Variants in DIAPH2 observed in about 807,000 individuals in gnomAD.
The protein encoded by DIAPH2 is diaphanous related formin 2, also known as protein diaphanous homolog 2.
Under a neutral mutation model 92.7 loss-of-function variants are expected in DIAPH2, and 35 were observed. The observed-to-expected ratio is 0.38, with a 90% CI of 0.29 to 0.50. The LOEUF is 0.50. Ranked by LOEUF, DIAPH2 falls within the 20% of genes least tolerant of loss-of-function variation. DIAPH2 has a pLI of 0.94. For missense variants in DIAPH2, 701 were observed against 819.5 expected, an observed-to-expected ratio of 0.86 and a Z score of 1.77; for synonymous variants, 301 against 280.4, an observed-to-expected ratio of 1.07 and a Z score of -0.73.
At chrX:97,168,998 C>T (rs1414308078) in intron 22 of DIAPH2, among the ~76,000 whole-genome samples, 1 of 112,158 alleles carries the variant, frequency 8.9e-6, no homozygotes, top group Non-Finnish European at 1.9e-5. Context: ...TTCCCAAAGG[C>T]CCTATCCCCA....
intron 4 of DIAPH2, among the ~76,000 whole-genome samples, chrX:96,793,792 A>G (rs1275783324): frequency 8.9e-6 from 1 of 111,736 alleles, no homozygotes; most frequent in African/African-American, 3.3e-5. Flanking sequence ...TGCGGGGGAC[A>G]TAAACATAGT....
chrX:97,185,294 CA>C (rs1306919184), intron 22 of DIAPH2, among the ~76,000 whole-genome samples: 42 of 13,806 alleles, frequency 3.0e-3, no homozygotes, highest in African/African-American at 0.012. Context: ...GACCCTGTCT[CA>C]AAAAAAAAAA....
chrX:96,767,595 T>TA (rs2064312096), intron 4 of DIAPH2, among the ~76,000 whole-genome samples: 1 of 111,962 alleles, frequency 8.9e-6, no homozygotes, highest in Non-Finnish European at 1.9e-5. Context: ...ACATAAAACA[T>TA]AAAGACTACA....
intron 4 of DIAPH2, chrX:96,793,471 C>G: frequency 7.1e-6 from 2 of 280,244 alleles, no homozygotes; most frequent in Non-Finnish European, 1.4e-5. Flanking sequence ...GCCCGGCCCC[C>G]TTCCACTTTT....
At chrX:97,246,157 G>A (rs12842570) in intron 22 of DIAPH2, among the ~76,000 whole-genome samples, 44,832 of 104,833 alleles carry the variant, frequency 0.43, 8,878 homozygotes, top group Non-Finnish European at 0.59. Context: ...CAGGTAATCC[G>A]CCCACCTCAG....
intron 4 of DIAPH2, among the ~76,000 whole-genome samples, chrX:96,789,952 G>A (rs1015300831): frequency 9.0e-6 from 1 of 111,470 alleles, no homozygotes; most frequent in Non-Finnish European, 1.9e-5. Context: ...GGTATTCATA[G>A]TGCAGGACCT....
At chrX:97,082,806 C>CT (rs1219361841) in intron 19 of DIAPH2, among the ~76,000 whole-genome samples, 3 of 111,693 alleles carry the variant, frequency 2.7e-5, no homozygotes, top group African/African-American at 9.8e-5. Flanking sequence ...GCATTAGACA[C>CT]TTAGCCTAAG....
chrX:97,125,225 AGC>A (rs931240619), intron 21 of DIAPH2, among the ~76,000 whole-genome samples: 2 of 111,170 alleles, frequency 1.8e-5, no homozygotes, highest in Non-Finnish European at 3.8e-5. Context: ...CTGTAATCCC[AGC>A]ACTTTGGGAG....
intron 10 of DIAPH2, among the ~76,000 whole-genome samples, chrX:96,931,191 T>C (rs1463655247): frequency 9.0e-6 from 1 of 111,554 alleles, no homozygotes; most frequent in Non-Finnish European, 1.9e-5. Flanking sequence ...TTTGATAACC[T>C]AGATTGATTT....
At chrX:97,170,943 C>G (rs1482733121) in intron 22 of DIAPH2, among the ~76,000 whole-genome samples, 1 of 110,183 alleles carries the variant, frequency 9.1e-6, no homozygotes, top group Non-Finnish European at 1.9e-5. Context: ...GTGGTGCGAT[C>G]TTAGCTCACT....
intron 22 of DIAPH2, among the ~76,000 whole-genome samples, chrX:97,197,704 G>C (rs1232673332): frequency 8.9e-6 from 1 of 111,734 alleles, no homozygotes; most frequent in Non-Finnish European, 1.9e-5. Context: ...GGGCATGGTA[G>C]GGTGATATTT....
At chrX:96,969,097 T>C (rs1382626067) in intron 17 of DIAPH2, among the ~76,000 whole-genome samples, 1 of 112,369 alleles carries the variant, frequency 8.9e-6, no homozygotes, top group Non-Finnish European at 1.9e-5. Context: ...TCTATTTTTG[T>C]ACCAGTACCA....
At chrX:96,705,746 A>C (rs907472029) in intron 1 of DIAPH2, among the ~76,000 whole-genome samples, 4 of 112,077 alleles carry the variant, frequency 3.6e-5, no homozygotes, top group African/African-American at 9.7e-5. Flanking sequence ...AATCCTGTAG[A>C]TTCCCTTTCT....
At chrX:97,438,373 T>G (rs1429164543) in intron 26 of DIAPH2, among the ~76,000 whole-genome samples, 2 of 84,141 alleles carry the variant, frequency 2.4e-5, no homozygotes, top group African/African-American at 8.8e-5. Context: ...TTTTTTTTTT[T>G]TTTTTTTTTT....
chrX:97,378,797 T>C (rs914375485), intron 24 of DIAPH2, among the ~76,000 whole-genome samples: 2 of 111,892 alleles, frequency 1.8e-5, no homozygotes, highest in Admixed American at 9.5e-5. Context: ...TATAAAAAGA[T>C]TTGCAATATA....
At chrX:96,852,846 A>G (rs185685955) in intron 4 of DIAPH2, among the ~76,000 whole-genome samples, 1 of 112,225 alleles carries the variant, frequency 8.9e-6, no homozygotes, top group Non-Finnish European at 1.9e-5. Context: ...GACTACATCA[A>G]GAGTCCCTGT....
chrX:97,416,086 G>C (rs771092281), intron 25 of DIAPH2, among the ~76,000 whole-genome samples: 1 of 112,220 alleles, frequency 8.9e-6, no homozygotes, highest in Non-Finnish European at 1.9e-5. Context: ...AATTGAGAAA[G>C]AATCCAGAGT....
rs373703825 is a variant in DIAPH2 at position 97,091,543 on chromosome X, G to A, written c.2248-8151G>A. Among the ~76,000 whole-genome samples the A allele has an allele frequency of 9.9e-5, 11 of 111,612 alleles. No homozygotes were observed. The East Asian group carries it at 2.5e-3, about 26-fold the overall frequency. ...CCCTATCTCAGACTCCCTAATAGCTGGAACCGAAACAAGTCTTTTTGAAAG... is the reference window on the plus strand; with the variant it reads ...CCCTATCTCAGACTCCCTAATAGCTAGAACCGAAACAAGTCTTTTTGAAAG... On this transcript the variant is annotated intron_variant, in intron 19 of 26. Transcript: ENST00000324765.
chrX:97,327,464 G>T (rs192436238), intron 23 of DIAPH2, among the ~76,000 whole-genome samples: 19 of 106,498 alleles, frequency 1.8e-4, no homozygotes, highest in African/African-American at 6.2e-4. Context: ...AGACAGTCTC[G>T]CTCTGTCGCC....
Sources: allele counts gnomAD v4.1 joint callset (sites outside exome capture counted in the v4.1 genomes callset), GRCh38; gene constraint gnomAD v4.1.1; transcripts MANE v1.5; gene names NCBI Gene and HGNC (gene_info 2026-07-23, HGNC 2026-07-21).